FLNB: variants seen among roughly 807,000 people sequenced by gnomAD.
FLNB encodes the protein filamin-B.
A neutral mutation model predicts 250.6 loss-of-function variants in FLNB; 111 were observed. That is an observed-to-expected ratio of 0.44 (90% confidence interval 0.38 to 0.52). The LOEUF is 0.52. Ranked by LOEUF, FLNB falls within the 20% of genes least tolerant of loss-of-function variation. The pLI, the probability that FLNB is intolerant of heterozygous loss-of-function variation, is 0.00. For missense variants in FLNB, 2,869 were observed against 3,447.8 expected (o/e 0.83, Z 4.20); for synonymous variants, 1,302 against 1,372.1 (o/e 0.95, Z 1.13).
At chr3:58,110,273 T>C (rs754281705) in intron 16 of FLNB, 103 bp downstream of exon 16, 21 of 1,245,488 alleles carry the variant, frequency 1.7e-5, no homozygotes, top group Admixed American at 1.5e-4. Context: ...GTTAGTATTA[T>C]TATTTTTGAG....
chr3:58,060,881 C>T (rs2097177535), intron 1 of FLNB, among the ~76,000 whole-genome samples: 1 of 150,674 alleles, frequency 6.6e-6, no homozygotes, highest in South Asian at 2.1e-4. Context: ...ATGTAATCTT[C>T]AACATCGACT....
Position 58,169,708 on chromosome 3 carries a change from C to T in FLNB, c.7536C>T (p.Ala2512=). 1 of 1,614,100 alleles carries T rather than the reference C, an allele frequency of 6.2e-7. No homozygotes were observed. The highest frequency in any genetic ancestry group is 8.5e-7 in the Non-Finnish European group (1 of 1,180,010). ...CCATTCCCAAGGCATCCTCGGACGC[C>T]AGCAAGGTGACCTCTAAGGGGGCAG... The part of the protein sequence containing the change: ...YSAIPKASSD[A]SKVTSKGAGL... The change falls in exon 45 of 46, where the codon GCC becomes GCT. Residue 2512 remains alanine (A), a synonymous_variant. Coordinates refer to ENST00000295956, the MANE Select transcript of FLNB (RefSeq NM_001457.4). The surrounding 1 kb of genome is among the most constrained non-coding windows in gnomAD (Gnocchi z 4.8).
intron 1 of FLNB, among the ~76,000 whole-genome samples, chr3:58,067,303 ATG>A (rs2097187048): frequency 6.6e-6 from 1 of 152,108 alleles, no homozygotes; most frequent in African/African-American, 2.4e-5. Context: ...AACTACTAAC[ATG>A]AAAAGACCTG....
Position 58,008,627 on chromosome 3 carries a change from G to C in FLNB, c.63G>C (p.Thr21=), listed in dbSNP as rs539469179. 1 of 1,613,708 alleles carries C rather than the reference G, an allele frequency of 6.2e-7. No homozygotes were observed. The highest frequency in any genetic ancestry group is 1.3e-5 in the African/African-American group (1 of 74,908). ...DAPWKKIQQN[T]FTRWCNEHLK... ...CTTGGAAGAAGATCCAGCAGAACAC[G>C]TTCACACGCTGGTGCAACGAGCACC... Residue 21 remains threonine (T), a synonymous_variant, in exon 1 of 46, where the codon ACG becomes ACC. Transcript: ENST00000295956.
Position 58,095,229 on chromosome 3 carries a change from G to GTATTTATTTATTTATTTATTTATT in FLNB, c.906+280_906+303dup, listed in dbSNP as rs1553694995. On this transcript the variant is annotated intron_variant, in intron 5 of 45. Coordinates refer to ENST00000295956, the MANE Select transcript of FLNB (RefSeq NM_001457.4). ...GCCTTGTCAGTTGAGGTTTATGTAT[G>GTATTTATTTATTTATTTATTTATT]TATTTATTTATTTATTTATTTATTT... 7.8e-3 allele frequency among the ~76,000 whole-genome samples: 1,148 copies of GTATTTATTTATTTATTTATTTATT among 147,806 alleles called. 11 individuals are homozygous for GTATTTATTTATTTATTTATTTATT. The highest frequency in any genetic ancestry group is 0.016 in the East Asian group (76 of 4,892).
intron 4 of FLNB, among the ~76,000 whole-genome samples, chr3:58,094,184 A>G (rs977331674): frequency 6.6e-6 from 1 of 152,336 alleles, no homozygotes; most frequent in Admixed American, 6.5e-5. Context: ...GGTTCAAGCA[A>G]TTCTCCTGCC....
chr3:58,018,091 C>T (rs919726745), intron 1 of FLNB, among the ~76,000 whole-genome samples: 2 of 152,046 alleles, frequency 1.3e-5, no homozygotes, highest in South Asian at 2.1e-4. Context: ...GATATTCATC[C>T]TCTAATATAA....
At chr3:58,024,941 G>T (rs2097121029) in intron 1 of FLNB, among the ~76,000 whole-genome samples, 1 of 149,186 alleles carries the variant, frequency 6.7e-6, no homozygotes, top group African/African-American at 2.5e-5. Flanking sequence ...TCAATCTCTT[G>T]ACCTCATACT....
chr3:58,042,440 C>T (rs113850147), intron 1 of FLNB, among the ~76,000 whole-genome samples: 4,055 of 151,530 alleles, frequency 0.027, 175 homozygotes, highest in African/African-American at 0.094. Flanking sequence ...CCCCACCTTC[C>T]TGGGCTCAGG....
intron 1 of FLNB, among the ~76,000 whole-genome samples, chr3:58,076,155 C>T (rs1330344573): frequency 6.6e-6 from 1 of 152,166 alleles, no homozygotes; most frequent in East Asian, 1.9e-4. Context: ...ATTGATAACA[C>T]CTAGCATTGG....
intron 4 of FLNB, among the ~76,000 whole-genome samples, chr3:58,085,391 T>C (rs1051207773): frequency 1.3e-5 from 2 of 152,250 alleles, no homozygotes; most frequent in African/African-American, 4.8e-5. Flanking sequence ...TTTGGTCTTC[T>C]CTGTGTGACC....
intron 9 of FLNB, among the ~76,000 whole-genome samples, chr3:58,102,960 T>G (rs1056373745): frequency 1.3e-5 from 2 of 152,168 alleles, no homozygotes; most frequent in African/African-American, 4.8e-5. Flanking sequence ...TCTTCACTTT[T>G]TTCGTTGGAA....
intron 1 of FLNB, among the ~76,000 whole-genome samples, chr3:58,014,154 C>T (rs2097102590): frequency 6.6e-6 from 1 of 152,240 alleles, no homozygotes; most frequent in Non-Finnish European, 1.5e-5. Flanking sequence ...GTTTAATAAT[C>T]TCAAAAGTCA....
chr3:58,147,737 T>C (rs147011876), intron 34 of FLNB, among the ~76,000 whole-genome samples: 7 of 152,334 alleles, frequency 4.6e-5, no homozygotes, highest in African/African-American at 1.7e-4. Context: ...CTCGGCTCAC[T>C]GTGACCTCTA....
At position 58,105,109 on chromosome 3, in the gene FLNB, C is replaced by G; in HGVS notation, c.1640C>G (p.Ala547Gly). The change falls in exon 11 of 46, where the codon GCG becomes GGG. Residue 547 changes from alanine to glycine, a missense_variant. By Grantham distance (60) the Ala-to-Gly change is moderately conservative. This residue lies in a region of FLNB where 1,348 missense variants were observed against 1,466.7 expected (regional missense o/e 0.92). Coordinates refer to ENST00000295956, the MANE Select transcript of FLNB (RefSeq NM_001457.4). ...SPFEVQVGPE[A>G]GMQKVRAWGP... ...TTTGAAGTTCAAGTTGGCCCTGAAG[C>G]GGGTATGCAGAAAGTCCGTGCTTGG... 6.2e-7 allele frequency: 1 copy of G among 1,614,202 alleles called. No individual in the cohort carries two copies. Among genetic ancestry groups the G allele is most frequent in the Admixed American group, 1.7e-5 (1 of 60,026 alleles).
intron 1 of FLNB, among the ~76,000 whole-genome samples, chr3:58,070,328 G>A (rs929710722): frequency 1.3e-5 from 2 of 151,974 alleles, no homozygotes; most frequent in African/African-American, 4.8e-5. Flanking sequence ...ACAGGCGTGA[G>A]CCACTGTGCC....
At chr3:58,147,925 G>T (rs2097338264) in intron 34 of FLNB, among the ~76,000 whole-genome samples, 1 of 152,196 alleles carries the variant, frequency 6.6e-6, no homozygotes, top group Non-Finnish European at 1.5e-5. Flanking sequence ...CTCTCAAAGT[G>T]TTGGGATTAG....
chr3:58,085,385 G>T (rs932623578), intron 4 of FLNB, among the ~76,000 whole-genome samples: 3 of 152,250 alleles, frequency 2.0e-5, no homozygotes, highest in Non-Finnish European at 1.5e-5. Context: ...GTCAGTTTTG[G>T]TCTTCTCTGT....
Position 58,106,847 on chromosome 3 carries a change from GC to G in FLNB, c.1917del (p.Thr640ArgfsTer41). On this transcript the variant is annotated frameshift_variant, in exon 12 of 46. Coordinates refer to ENST00000295956, the MANE Select transcript of FLNB (RefSeq NM_001457.4). LOFTEE classifies it high-confidence loss of function. Reference sequence around the variant, plus strand: ...CCCGTACATGGCCTTCATCCACCCAGCCACGGGAGGCTACAACCCTGATCTG... The same window carrying G: ...CCCGTACATGGCCTTCATCCACCCAGCACGGGAGGCTACAACCCTGATCTG... ...DSPYMAFIHP[A>X]TGGYNPDLVR... 1 of 1,613,886 alleles carries G rather than the reference GC, an allele frequency of 6.2e-7. No individual in the cohort carries two copies. Among genetic ancestry groups the G allele is most frequent in the South Asian group, 1.1e-5 (1 of 91,074 alleles).
Sources: gnomAD v4.1 joint callset for allele counts (sites outside exome capture counted in the v4.1 genomes callset) on GRCh38, gnomAD v4.1.1 for gene constraint, gnomAD v4.1.1 regional missense constraint, Gnocchi (gnomAD v3.1) non-coding constraint, MANE v1.5 for transcripts, NCBI Gene and HGNC (gene_info 2026-07-23, HGNC 2026-07-21) for gene names.